Variants in CUTC observed in about 807,000 individuals in gnomAD.
CUTC encodes the protein cutC copper transporter.
CUTC carries 27 observed loss-of-function variants against 36.2 expected under a neutral mutation model. The ratio of observed to expected loss-of-function variants is 0.75; its 90% CI spans 0.55 to 1.03. CUTC has a LOEUF of 1.03. CUTC is among the 50% of genes least tolerant of loss of function. The pLI, the probability that CUTC is intolerant of heterozygous loss-of-function variation, is 0.00. For missense variants in CUTC, 315 were observed against 343.5 expected (o/e 0.92, Z 0.66); for synonymous variants, 114 against 118.3 (o/e 0.96, Z 0.24).
intron 7 of CUTC, 67 bp downstream of exon 7, chr10:99,750,463 AG>A (rs1393172817): frequency 7.1e-6 from 9 of 1,271,178 alleles, no homozygotes; most frequent in Non-Finnish European, 9.9e-6. Context: ...CAAAGGAGGC[AG>A]GAAAATGTGA....
chr10:99,753,090 A>G (rs528546526), intron 7 of CUTC, among the ~76,000 whole-genome samples: 3 of 152,276 alleles, frequency 2.0e-5, no homozygotes, highest in Non-Finnish European at 2.9e-5. Flanking sequence ...GTTCTGTGGG[A>G]TCCTTTTTAA....
In CUTC at chr10:99,754,594, T is replaced by C. The variant is rs148270236; in HGVS notation, c.667T>C (p.Cys223Arg). 6.2e-7 allele frequency: 1 copy of C among 1,613,776 alleles called. No individual in the cohort carries two copies. Among genetic ancestry groups the C allele is most frequent in the Admixed American group, 1.7e-5 (1 of 60,004 alleles). The change falls in exon 8 of 9, where the codon TGT becomes CGT. Residue 223 changes from cysteine (C) to arginine (R), a missense_variant. Cys to Arg is a radical substitution (Grantham distance 180). Coordinates refer to ENST00000370476, the MANE Select transcript of CUTC (RefSeq NM_015960.3). ...GGGTTCAGGTGCTACAGAATTCCAC[T>C]GTTCTGCTCGGTCTACTAGAGACTC... Reference protein sequence around the residue: ...LEGSGATEFHCSARSTRDSGM... With the variant: ...LEGSGATEFHRSARSTRDSGM...
Position 99,732,242 on chromosome 10 carries a change from C to T in CUTC, c.-107C>T. On this transcript the variant is annotated 5_prime_UTR_variant, in exon 1 of 9. It adds an upstream start codon to the 5' untranslated region. Coordinates refer to ENST00000370476, the MANE Select transcript of CUTC (RefSeq NM_015960.3). The stretch of plus-strand genomic sequence containing the variant: ...GCTGCTGGGGCGTAGGTGTCGGGGA[C>T]GCGCGCACGGGCGCGCGCAGCTGTT... The T allele has an allele frequency of 6.6e-7, 1 of 1,526,266 alleles. No homozygotes were observed. The allele number at this position is 1,526,266 out of a possible 1,614,324, so 94.5% of individuals were successfully genotyped here. A position where few individuals can be genotyped will look rare whatever the true frequency, so the allele number is the denominator to read the frequency against.
chr10:99,732,620 A>C (rs749143827), intron 1 of CUTC: 36 of 1,421,022 alleles, frequency 2.5e-5, no homozygotes, highest in Non-Finnish European at 3.2e-5. Flanking sequence ...CTGTGGAGCC[A>C]AGGTTCGAGT....
Position 99,741,661 on chromosome 10 carries a change from C to T in CUTC, c.194-1492C>T, listed in dbSNP as rs116175436. 2.0e-3 allele frequency among the ~76,000 whole-genome samples: 299 copies of T among 152,202 alleles called. 2 individuals are homozygous for T. The highest frequency in any genetic ancestry group is 7.0e-3 in the African/African-American group (291 of 41,522). On this transcript the variant is annotated intron_variant, in intron 3 of 8. Coordinates refer to ENST00000370476, the MANE Select transcript of CUTC (RefSeq NM_015960.3). ...CTCCCTACAGCCTCAAACTCCTGGG[C>T]TCAAGCAATTGTCCTGCCTCAGCCT...
chr10:99,753,834 A>G (rs1422588163), intron 7 of CUTC, among the ~76,000 whole-genome samples: 2 of 152,244 alleles, frequency 1.3e-5, no homozygotes, highest in African/African-American at 4.8e-5. Flanking sequence ...TTGAGATACA[A>G]AGTACATAGT....
chr10:99,735,069 T>G (rs2037283506), intron 1 of CUTC, among the ~76,000 whole-genome samples: 1 of 118,752 alleles, frequency 8.4e-6, no homozygotes, highest in Non-Finnish European at 1.6e-5. Context: ...GCCACTGCAC[T>G]CTAGCCTGGG....
At position 99,732,309 on chromosome 10, in the gene CUTC, A is replaced by G. The variant is rs1489340751; in HGVS notation, c.-40A>G. The G allele has an allele frequency of 9.7e-6, 15 of 1,550,096 alleles. No homozygotes were observed. The highest frequency in any genetic ancestry group is 4.9e-5 in the East Asian group (2 of 40,906). Reference sequence around the variant, plus strand: ...GGTGCGCGCCGGAGCCCAAATTCCAAGTGGAAACTGCAGGCGCACGAGGGA... The same window carrying G: ...GGTGCGCGCCGGAGCCCAAATTCCAGGTGGAAACTGCAGGCGCACGAGGGA... On this transcript the variant is annotated 5_prime_UTR_variant, in exon 1 of 9. Coordinates refer to ENST00000370476, the MANE Select transcript of CUTC (RefSeq NM_015960.3).
chr10:99,738,160 T>A (rs1000247549), intron 2 of CUTC, among the ~76,000 whole-genome samples: 3 of 150,696 alleles, frequency 2.0e-5, no homozygotes, highest in East Asian at 3.9e-4. Context: ...AAAAAAAAAA[T>A]AAGGACTCTT....
Position 99,744,076 on chromosome 10 carries a change from A to G in CUTC, c.439+4A>G, listed in dbSNP as rs777180143. ...CTGCCAGTCACTTTCCACCGAGGTG[A>G]GTCATTTTCATTTTAAAAGTTCTAT... On this transcript the variant is annotated splice_donor_region_variant and intron_variant, in intron 5 of 8. Coordinates refer to ENST00000370476, the MANE Select transcript of CUTC (RefSeq NM_015960.3). 124 of 1,610,550 alleles carry G rather than the reference A, an allele frequency of 7.7e-5. No homozygotes were observed. Among genetic ancestry groups the G allele is most frequent in the Non-Finnish European group, 1.4e-5 (16 of 1,178,486 alleles).
At chr10:99,748,119 G>A (rs995546320) in intron 6 of CUTC, among the ~76,000 whole-genome samples, 3 of 152,084 alleles carry the variant, frequency 2.0e-5, no homozygotes, top group African/African-American at 7.2e-5. Flanking sequence ...AGAGTTGAGC[G>A]TTTGAGACTC....
intron 1 of CUTC, among the ~76,000 whole-genome samples, chr10:99,733,780 A>G (rs184899842): frequency 3.3e-5 from 5 of 152,308 alleles, no homozygotes; most frequent in Admixed American, 2.6e-4. Flanking sequence ...ACACTTTGAG[A>G]ACTGCTGCTG....
chr10:99,744,334 C>CA (rs2037362977), intron 5 of CUTC, among the ~76,000 whole-genome samples: 1 of 152,188 alleles, frequency 6.6e-6, no homozygotes, highest in Admixed American at 6.5e-5. Flanking sequence ...GTATTGCCTT[C>CA]AAGTGTGTGT....
At chr10:99,743,467 A>G in intron 4 of CUTC, 105 bp downstream of exon 4, 1 of 993,376 alleles carries the variant, frequency 1.0e-6, no homozygotes, top group South Asian at 1.4e-5. Context: ...TCATAGCTAC[A>G]GACACTTATA....
intron 4 of CUTC, among the ~76,000 whole-genome samples, chr10:99,743,699 A>G (rs1408112192): frequency 1.3e-5 from 2 of 152,232 alleles, no homozygotes; most frequent in Non-Finnish European, 2.9e-5. Context: ...TGGAAGATGC[A>G]AAGAGGACAG....
In CUTC at chr10:99,755,657, CT is replaced by C. The variant is rs755559464; in HGVS notation, c.742del (p.Cys248AlafsTer6). 2 of 1,613,724 alleles carry C rather than the reference CT, an allele frequency of 1.2e-6. No homozygotes were observed. The highest frequency in any genetic ancestry group is 1.7e-6 in the Non-Finnish European group (2 of 1,179,696). ...NSSVAMGASL[S>X]CSEYSLKVTD... ...TCTGTTGCCATGGGAGCCTCACTTTCTTGCTCAGAATATTCCCTAAAGGTAA... is the reference window on the plus strand; with the variant it reads ...TCTGTTGCCATGGGAGCCTCACTTTCTGCTCAGAATATTCCCTAAAGGTAA... On this transcript the variant is annotated frameshift_variant, in exon 9 of 9. Coordinates refer to ENST00000370476, the MANE Select transcript of CUTC (RefSeq NM_015960.3). LOFTEE classifies it high-confidence loss of function.
At chr10:99,735,565 G>A (rs952301331) in intron 1 of CUTC, among the ~76,000 whole-genome samples, 3 of 152,222 alleles carry the variant, frequency 2.0e-5, no homozygotes, top group East Asian at 1.9e-4. Context: ...ATGCCACGAT[G>A]CCTGGCTAAT....
In CUTC at chr10:99,747,391, G is replaced by T. The variant is rs780410456; in HGVS notation, c.573+1G>T. ...CCTAATAAAGCGACTCATTGAGCAG[G>T]TACGTGGACTTTATCTTTTTTTCCC... On this transcript the variant is annotated splice_donor_variant, in intron 6 of 8. Transcript: ENST00000370476. LOFTEE classifies it high-confidence loss of function. The T allele has an allele frequency of 9.3e-6, 15 of 1,613,934 alleles. No homozygotes were observed. The highest frequency in any genetic ancestry group is 1.3e-5 in the African/African-American group (1 of 74,918).
rs376879101 is a variant in CUTC at position 99,732,339 on chromosome 10, C to T, written c.-10C>T. 1.3e-6 allele frequency: 2 copies of T among 1,552,044 alleles called. No individual in the cohort carries two copies. The highest frequency in any genetic ancestry group is 1.7e-6 in the Non-Finnish European group (2 of 1,147,464). ...AAACTGCAGGCGCACGAGGGAGGAA[C>T]GCGTGGAGCATGAAAAGGCAGGGGG... On this transcript the variant is annotated 5_prime_UTR_variant, in exon 1 of 9. In the 5' UTR this introduces an upstream ATG that the reference lacks. Coordinates refer to ENST00000370476, the MANE Select transcript of CUTC (RefSeq NM_015960.3).
Sources: gnomAD v4.1 joint callset for allele counts (sites outside exome capture counted in the v4.1 genomes callset) on GRCh38, gnomAD v4.1.1 for gene constraint, MANE v1.5 for transcripts, NCBI Gene and HGNC (gene_info 2026-07-23, HGNC 2026-07-21) for gene names.